DNAAF4: variants seen among roughly 807,000 people sequenced by gnomAD.
DNAAF4 encodes dynein assembly factor 4, axonemal.
DNAAF4 carries 43 observed loss-of-function variants against 51.8 expected under a neutral mutation model. That is an observed-to-expected ratio of 0.83 (90% CI 0.65 to 1.07). DNAAF4 has a LOEUF of 1.07. DNAAF4 is among the 50% of genes least tolerant of loss of function. The pLI, the probability that DNAAF4 is intolerant of heterozygous loss-of-function variation, is 0.00. For synonymous variants in DNAAF4, 194 were observed against 165.6 expected (o/e 1.17, Z -1.32); for missense variants, 581 against 493.0 (o/e 1.18, Z -1.69).
intron 3 of DNAAF4, among the ~76,000 whole-genome samples, chr15:55,492,963 T>C (rs1318617867): frequency 2.0e-5 from 3 of 152,254 alleles, no homozygotes; most frequent in African/African-American, 7.2e-5. Flanking sequence ...TTTGTTTTTG[T>C]TGATACTACT....
chr15:55,431,744 C>A (rs1475718573), intron 9 of DNAAF4, among the ~76,000 whole-genome samples: 1 of 151,936 alleles, frequency 6.6e-6, no homozygotes, highest in Non-Finnish European at 1.5e-5. Context: ...TCCCAAAGTG[C>A]TGAGATTACA....
At chr15:55,469,058 C>G (rs1012345274) in intron 4 of DNAAF4, among the ~76,000 whole-genome samples, 16 of 152,030 alleles carry the variant, frequency 1.1e-4, no homozygotes, top group Admixed American at 1.0e-3. Flanking sequence ...TGACCGGGCG[C>G]GGTGGCTCAC....
At chr15:55,496,768 T>G (rs2058646128) in intron 3 of DNAAF4, among the ~76,000 whole-genome samples, 1 of 152,072 alleles carries the variant, frequency 6.6e-6, no homozygotes, top group Admixed American at 6.6e-5. Flanking sequence ...AAACAGCAAT[T>G]GAATGAGTTC....
chr15:55,424,918 T>A (rs1042254549), intron 7 of DNAAF4, among the ~76,000 whole-genome samples: 1 of 150,180 alleles, frequency 6.7e-6, no homozygotes, highest in African/African-American at 2.5e-5. Context: ...GCTGCTGGAG[T>A]GCAATGGCGC....
At chr15:55,469,073 G>A (rs977902876) in intron 4 of DNAAF4, among the ~76,000 whole-genome samples, 2 of 152,130 alleles carry the variant, frequency 1.3e-5, no homozygotes, top group Non-Finnish European at 2.9e-5. Context: ...GCTCACGCCT[G>A]AAATCCCAGC....
At chr15:55,472,651 TTGTAC>T (rs2058271405) in intron 4 of DNAAF4, among the ~76,000 whole-genome samples, 1 of 152,042 alleles carries the variant, frequency 6.6e-6, no homozygotes, top group Non-Finnish European at 1.5e-5. Context: ...TTTTAGGTGT[TTGTAC>T]TGTTCAAAAA....
intron 6 of DNAAF4, among the ~76,000 whole-genome samples, chr15:55,445,031 CCTTTT>C (rs1380377316): frequency 2.7e-4 from 36 of 131,542 alleles, no homozygotes; most frequent in African/African-American, 1.0e-3. Context: ...AATTGAATAC[CCTTTT>C]TTTTTTTTTT....
chr15:55,504,225 G>C (rs1447967639), intron 1 of DNAAF4, among the ~76,000 whole-genome samples: 1 of 152,066 alleles, frequency 6.6e-6, no homozygotes, highest in Non-Finnish European at 1.5e-5. Context: ...GGATGTGAAG[G>C]ACCTCTTCAA....
intron 5 of DNAAF4, among the ~76,000 whole-genome samples, chr15:55,460,179 A>ATTTTTTTTTTTTTTTTTTTT (rs760588937): frequency 8.1e-6 from 1 of 123,792 alleles, no homozygotes; most frequent in Non-Finnish European, 1.9e-5. Flanking sequence ...TTATTTACTT[A>ATTTTTTTTTTTTTTTTTTTT]TTTATTTATT....
At chr15:55,433,937 A>T (rs370998190) in intron 8 of DNAAF4, among the ~76,000 whole-genome samples, 1 of 12,472 alleles carries the variant, frequency 8.0e-5, no homozygotes, top group African/African-American at 8.3e-4. Context: ...ATTATATAAA[A>T]TATATATAAT....
chr15:55,483,262 A>G (rs1211494930), intron 4 of DNAAF4, among the ~76,000 whole-genome samples: 1 of 151,590 alleles, frequency 6.6e-6, no homozygotes, highest in African/African-American at 2.4e-5. Flanking sequence ...ACACCTGGCT[A>G]ATTTTTGTAT....
chr15:55,484,803 AC>A (rs2058464430), intron 4 of DNAAF4, among the ~76,000 whole-genome samples: 2 of 152,186 alleles, frequency 1.3e-5, no homozygotes, highest in Admixed American at 6.5e-5. Flanking sequence ...AACACCCAGC[AC>A]GAGCAAAAGA....
intron 1 of DNAAF4, among the ~76,000 whole-genome samples, chr15:55,506,489 T>C (rs1410863444): frequency 6.6e-6 from 1 of 152,176 alleles, no homozygotes; most frequent in East Asian, 1.9e-4. Flanking sequence ...GCATCCACCC[T>C]CTTAATTCTA....
intron 6 of DNAAF4, among the ~76,000 whole-genome samples, chr15:55,448,391 G>T (rs143800379): frequency 0.011 from 1,680 of 149,404 alleles, 15 homozygotes; most frequent in South Asian, 0.016. Flanking sequence ...TCATTTTTCT[G>T]TACTGAAAAA....
At chr15:55,470,022 G>T (rs982256376) in intron 4 of DNAAF4, among the ~76,000 whole-genome samples, 4 of 151,634 alleles carry the variant, frequency 2.6e-5, no homozygotes, top group African/African-American at 9.7e-5. Flanking sequence ...TGGCTCACAG[G>T]AATCAGATAA....
intron 4 of DNAAF4, among the ~76,000 whole-genome samples, chr15:55,484,644 T>G (rs2058461707): frequency 6.6e-6 from 1 of 152,096 alleles, no homozygotes; most frequent in Non-Finnish European, 1.5e-5. Context: ...ACTAATAGTA[T>G]AGATAGATAT....
intron 5 of DNAAF4, among the ~76,000 whole-genome samples, chr15:55,463,215 G>T (rs1272262103): frequency 8.6e-6 from 1 of 115,760 alleles, no homozygotes; most frequent in African/African-American, 3.5e-5. Flanking sequence ...CACACACAAA[G>T]CATTTGACAA....
intron 4 of DNAAF4, 111 bp from the exon 5 acceptor site, chr15:55,467,272 G>T (rs1487458160): frequency 2.9e-6 from 3 of 1,043,882 alleles, no homozygotes; most frequent in East Asian, 2.5e-5. Flanking sequence ...TCTTGCCATT[G>T]TATTTGTAAC....
intron 6 of DNAAF4, chr15:55,442,997 C>T: frequency 1.2e-6 from 2 of 1,611,512 alleles, no homozygotes; most frequent in Non-Finnish European, 8.5e-7. Context: ...TATTCAAAGC[C>T]CAGGCCATCA....
Sources: allele counts gnomAD v4.1 joint callset (sites outside exome capture counted in the v4.1 genomes callset), GRCh38; gene constraint gnomAD v4.1.1; transcripts MANE v1.5; gene names NCBI Gene and HGNC (gene_info 2026-07-23, HGNC 2026-07-21).